TNR: variants seen among roughly 807,000 people sequenced by gnomAD.
The protein encoded by TNR is tenascin R.
A neutral mutation model predicts 150.4 loss-of-function variants in TNR; 45 were observed. The observed-to-expected ratio is 0.30, with a 90% CI of 0.24 to 0.38. The LOEUF (loss-of-function observed/expected upper bound fraction) is 0.38, where lower values mean the gene tolerates loss of function less well. TNR is among the 10% of genes least tolerant of loss of function. The pLI is 1.00. For missense variants in TNR, 1,544 were observed against 1,759.1 expected (o/e 0.88, Z 2.19); for synonymous variants, 687 against 678.4 (o/e 1.01, Z -0.20).
rs1666719085 is a variant in TNR, at chr1:175,702,259, T to C, written c.-165+40967A>G. Among the ~76,000 whole-genome samples the C allele has an allele frequency of 3.3e-5, 5 of 152,074 alleles. No homozygotes were observed. The South Asian group carries it at 1.0e-3, about 31-fold the overall frequency. On this transcript the variant is annotated intron_variant, in intron 1 of 22. Transcript: ENST00000367674. ...GGAGCAGCAAGCAAATGTGAGTAAATCACAGAGGCAGCTTCTCAGCTCTGC... is the reference window on the plus strand; with the variant it reads ...GGAGCAGCAAGCAAATGTGAGTAAACCACAGAGGCAGCTTCTCAGCTCTGC...
intron 2 of TNR, among the ~76,000 whole-genome samples, chr1:175,524,656 A>AT (rs1276994462): frequency 6.6e-6 from 1 of 152,178 alleles, no homozygotes; most frequent in Non-Finnish European, 1.5e-5. Context: ...GCACAGAAGC[A>AT]TTCTGAGAAG....
intron 2 of TNR, among the ~76,000 whole-genome samples, chr1:175,469,307 T>C (rs1657172970): frequency 6.6e-6 from 1 of 152,062 alleles, no homozygotes; most frequent in South Asian, 2.1e-4. Context: ...AATGGGAAAT[T>C]ATAACACAGG....
chr1:175,452,321 GACAAT>G (rs1270197385), intron 2 of TNR, among the ~76,000 whole-genome samples: 1 of 152,268 alleles, frequency 6.6e-6, no homozygotes, highest in East Asian at 1.9e-4. Context: ...CGGGGGAAAT[GACAAT>G]ACACAAGAGT....
intron 2 of TNR, among the ~76,000 whole-genome samples, chr1:175,417,275 T>G (rs1654538662): frequency 6.6e-6 from 1 of 151,410 alleles, no homozygotes; most frequent in Non-Finnish European, 1.5e-5. Flanking sequence ...TGTGAAGAGA[T>G]GGTATCCGAG....
At chr1:175,365,569 A>G (rs1382343463) in intron 11 of TNR, among the ~76,000 whole-genome samples, 1 of 152,226 alleles carries the variant, frequency 6.6e-6, no homozygotes, top group Non-Finnish European at 1.5e-5. Flanking sequence ...ATATGATCCC[A>G]TGGATCCTCT....
chr1:175,608,270 T>C (rs532013633), intron 1 of TNR, among the ~76,000 whole-genome samples: 1 of 152,238 alleles, frequency 6.6e-6, no homozygotes, highest in Non-Finnish European at 1.5e-5. Context: ...GCTTATAAGA[T>C]GTTCAGAAAA....
intron 1 of TNR, among the ~76,000 whole-genome samples, chr1:175,546,543 CAG>C (rs1660694896): frequency 6.6e-6 from 1 of 152,188 alleles, no homozygotes; most frequent in African/African-American, 2.4e-5. Flanking sequence ...GCCACGAGGG[CAG>C]AGTTGCTTTT....
chr1:175,711,435 G>A (rs1269238986), intron 1 of TNR, among the ~76,000 whole-genome samples: 4 of 152,214 alleles, frequency 2.6e-5, no homozygotes, highest in Non-Finnish European at 5.9e-5. Context: ...GAGAGAGGGT[G>A]CAGGCAATGG....
intron 2 of TNR, among the ~76,000 whole-genome samples, chr1:175,524,494 A>T (rs1659774657): frequency 6.6e-6 from 1 of 152,042 alleles, no homozygotes; most frequent in Admixed American, 6.5e-5. Flanking sequence ...AGTGAAAGAA[A>T]ATGCAAGTGA....
At chr1:175,557,796 C>T (rs1240748264) in intron 1 of TNR, among the ~76,000 whole-genome samples, 1 of 133,686 alleles carries the variant, frequency 7.5e-6, no homozygotes, top group Non-Finnish European at 1.6e-5. Flanking sequence ...GACTATAAAT[C>T]ATGCTGCTAT....
chr1:175,659,664 C>A (rs1665300398), intron 1 of TNR, among the ~76,000 whole-genome samples: 1 of 152,162 alleles, frequency 6.6e-6, no homozygotes, highest in South Asian at 2.1e-4. Context: ...GTCTCCCCAG[C>A]CATCAAATGG....
At chr1:175,715,399 G>T (rs1034427291) in intron 1 of TNR, among the ~76,000 whole-genome samples, 5 of 152,172 alleles carry the variant, frequency 3.3e-5, no homozygotes, top group Non-Finnish European at 5.9e-5. Flanking sequence ...CCCAAAGGCA[G>T]GGAGGTAAAC....
At chr1:175,368,393 A>T (rs1384327175) in intron 9 of TNR, among the ~76,000 whole-genome samples, 2 of 152,148 alleles carry the variant, frequency 1.3e-5, no homozygotes, top group Non-Finnish European at 2.9e-5. Flanking sequence ...TCTCTGTCTG[A>T]CTTCTGCTCC....
chr1:175,662,770 C>T (rs919365983), intron 1 of TNR, among the ~76,000 whole-genome samples: 1 of 152,138 alleles, frequency 6.6e-6, no homozygotes, highest in Non-Finnish European at 1.5e-5. Context: ...AAGAAGAGGC[C>T]GAGAAGGCCT....
intron 2 of TNR, among the ~76,000 whole-genome samples, chr1:175,450,293 T>C (rs770973503): frequency 6.6e-6 from 1 of 152,338 alleles, no homozygotes; most frequent in Non-Finnish European, 1.5e-5. Flanking sequence ...TCACTCTCTC[T>C]GTTCCTCTCC....
At chr1:175,463,643 C>T (rs949445726) in intron 2 of TNR, among the ~76,000 whole-genome samples, 1 of 152,194 alleles carries the variant, frequency 6.6e-6, no homozygotes, top group Non-Finnish European at 1.5e-5. Flanking sequence ...AAAATGTTCC[C>T]TAAAGCTGCT....
chr1:175,545,597 C>G (rs1304735715), intron 1 of TNR, among the ~76,000 whole-genome samples: 1 of 152,132 alleles, frequency 6.6e-6, no homozygotes, highest in African/African-American at 2.4e-5. Flanking sequence ...ATAATGATAG[C>G]AAACACATAG....
chr1:175,436,789 G>A (rs368673828), intron 2 of TNR, among the ~76,000 whole-genome samples: 10 of 152,278 alleles, frequency 6.6e-5, no homozygotes, highest in East Asian at 5.8e-4. Flanking sequence ...GACAAAGAAG[G>A]CCATTACATA....
chr1:175,611,525 G>A (rs1207077141), intron 1 of TNR, among the ~76,000 whole-genome samples: 3 of 151,740 alleles, frequency 2.0e-5, no homozygotes, highest in Non-Finnish European at 4.4e-5. Flanking sequence ...AAAGAGATGG[G>A]GTCTTGCTAT....
Sources: allele counts gnomAD v4.1 joint callset (sites outside exome capture counted in the v4.1 genomes callset), GRCh38; gene constraint gnomAD v4.1.1; transcripts MANE v1.5; gene names NCBI Gene and HGNC (gene_info 2026-07-23, HGNC 2026-07-21).